PHEX: variants seen among roughly 807,000 people sequenced by gnomAD.
The protein encoded by PHEX is phosphate-regulating neutral endopeptidase PHEX.
Under a neutral mutation model 68.0 loss-of-function variants are expected in PHEX, and 16 were observed. The observed-to-expected ratio is 0.24, with a 90% CI of 0.16 to 0.36. PHEX has a LOEUF of 0.36. PHEX is among the 10% of genes least tolerant of loss of function. PHEX has a pLI of 1.00. For synonymous variants in PHEX, 208 were observed against 205.1 expected, an observed-to-expected ratio of 1.01 and a Z score of -0.12; for missense variants, 480 against 575.5, an observed-to-expected ratio of 0.83 and a Z score of 1.70.
intron 11 of PHEX, among the ~76,000 whole-genome samples, chrX:22,133,300 C>T (rs1369365384): frequency 8.9e-6 from 1 of 112,211 alleles, no homozygotes; most frequent in Non-Finnish European, 1.9e-5. Context: ...GGATTACAGG[C>T]ATGAGCCACC....
At chrX:22,167,410 A>T (rs1933360599) in intron 12 of PHEX, among the ~76,000 whole-genome samples, 1 of 111,108 alleles carries the variant, frequency 9.0e-6, no homozygotes, top group Admixed American at 9.6e-5. Flanking sequence ...GTGGATCATT[A>T]AAAAAATCTG....
intron 3 of PHEX, among the ~76,000 whole-genome samples, chrX:22,048,159 A>G (rs867514596): frequency 1.8e-5 from 2 of 111,611 alleles, no homozygotes; most frequent in Admixed American, 1.9e-4. Flanking sequence ...TTAGATACCT[A>G]TTGTCAATTG....
intron 3 of PHEX, among the ~76,000 whole-genome samples, chrX:22,060,768 C>A (rs940281287): frequency 2.7e-5 from 3 of 111,628 alleles, no homozygotes; most frequent in African/African-American, 9.8e-5. Context: ...CTCAGCATGA[C>A]TAATAACACA....
At chrX:22,204,610 AGTAG>A (rs1934654940) in intron 15 of PHEX, among the ~76,000 whole-genome samples, 1 of 111,952 alleles carries the variant, frequency 8.9e-6, no homozygotes, top group African/African-American at 3.2e-5. Context: ...AGTAAATGTT[AGTAG>A]TCAGTGGTTA....
intron 20 of PHEX, among the ~76,000 whole-genome samples, chrX:22,233,719 T>C (rs1268531941): frequency 1.8e-5 from 2 of 111,541 alleles, no homozygotes; most frequent in African/African-American, 6.5e-5. Flanking sequence ...TCTAACCTGT[T>C]TTCAAGGTTC....
At chrX:22,158,452 A>T (rs920862778) in intron 12 of PHEX, among the ~76,000 whole-genome samples, 3 of 111,951 alleles carry the variant, frequency 2.7e-5, no homozygotes, top group Non-Finnish European at 3.8e-5. Context: ...AATAAAAAAG[A>T]AAAAATATGC....
chrX:22,244,364 C>T (rs1027844573), intron 20 of PHEX, among the ~76,000 whole-genome samples: 4 of 110,428 alleles, frequency 3.6e-5, no homozygotes, highest in African/African-American at 1.3e-4. Context: ...AGTAAACCAT[C>T]ATGGCACATG....
intron 3 of PHEX, among the ~76,000 whole-genome samples, chrX:22,060,864 G>T (rs968802624): frequency 8.9e-6 from 1 of 111,744 alleles, no homozygotes. Context: ...TACAAGGTTG[G>T]TATGTTTAAG....
chrX:22,120,684 T>C (rs949981237), intron 11 of PHEX, among the ~76,000 whole-genome samples: 2 of 111,759 alleles, frequency 1.8e-5, no homozygotes, highest in African/African-American at 6.5e-5. Context: ...TATCTTTGGC[T>C]CAGTCTACAC....
intron 15 of PHEX, among the ~76,000 whole-genome samples, chrX:22,202,837 G>C (rs956893854): frequency 8.9e-6 from 1 of 111,761 alleles, no homozygotes; most frequent in Non-Finnish European, 1.9e-5. Context: ...TGTTTTCTTT[G>C]CCAGATGTTA....
At chrX:22,246,315 A>T (rs1215884939) in intron 21 of PHEX, among the ~76,000 whole-genome samples, 1 of 112,207 alleles carries the variant, frequency 8.9e-6, no homozygotes, top group Admixed American at 9.5e-5. Context: ...AGGGCATTAT[A>T]TCTGGATATC....
chrX:22,035,852 A>G lies in PHEX; in HGVS notation c.119-2617A>G, dbSNP rs187471920. 5.6e-3 allele frequency among the ~76,000 whole-genome samples: 605 copies of G among 108,504 alleles called. 5 individuals are homozygous for G. The highest frequency in any genetic ancestry group is 0.019 in the African/African-American group (581 of 29,899). 94.2% of individuals were successfully genotyped at this position (108,504 alleles called of 115,157 possible). A position where few individuals can be genotyped will look rare whatever the true frequency, so the allele number is the denominator to read the frequency against. On this transcript the variant is annotated intron_variant, in intron 1 of 21. Coordinates refer to ENST00000379374, the MANE Select transcript of PHEX (RefSeq NM_000444.6). ...TTTTTATATTAAAAATATTTTCTTTATTGTCTCTATTTCATTCACTTACAC... is the reference window on the plus strand; with the variant it reads ...TTTTTATATTAAAAATATTTTCTTTGTTGTCTCTATTTCATTCACTTACAC...
chrX:22,092,297 A>G (rs1049631485), intron 6 of PHEX, among the ~76,000 whole-genome samples: 8 of 111,589 alleles, frequency 7.2e-5, no homozygotes, highest in African/African-American at 2.3e-4. Context: ...TTTTTTCTGT[A>G]CCACCCTCTC....
intron 3 of PHEX, among the ~76,000 whole-genome samples, chrX:22,058,851 C>T (rs1308006732): frequency 8.9e-6 from 1 of 112,350 alleles, no homozygotes; most frequent in Middle Eastern, 4.2e-3. Flanking sequence ...GTCGCCGAGG[C>T]TGGAGTGCAG....
chrX:22,199,810 A>G (rs371301674), intron 15 of PHEX, among the ~76,000 whole-genome samples: 2 of 112,344 alleles, frequency 1.8e-5, no homozygotes, highest in South Asian at 3.7e-4. Context: ...TGAGGTTGCT[A>G]AGATCTACAG....
At chrX:22,208,043 C>A (rs1934767353) in intron 15 of PHEX, among the ~76,000 whole-genome samples, 1 of 102,582 alleles carries the variant, frequency 9.7e-6, no homozygotes, top group Non-Finnish European at 2.0e-5. Context: ...CCTAGCCCCC[C>A]ACCCCCCGAC....
Position 22,135,883 on chromosome X carries a change from A to G in PHEX, c.1404+2259A>G, listed in dbSNP as rs957723239. ...AGTTCCACGACAGGTACAAATATCA[A>G]AGGCAAATTGGATCTCACAAAGTTC... On this transcript the variant is annotated intron_variant, in intron 12 of 21. Transcript: ENST00000379374. Among the ~76,000 whole-genome samples, 15 of 111,445 alleles carry G rather than the reference A, an allele frequency of 1.3e-4. No homozygotes were observed. The East Asian group carries it at 2.2e-3, about 17-fold the overall frequency.
chrX:22,160,073 G>A (rs1323851972), intron 12 of PHEX, among the ~76,000 whole-genome samples: 1 of 111,978 alleles, frequency 8.9e-6, no homozygotes, highest in East Asian at 2.8e-4. Context: ...TTGATTTTAT[G>A]TTCAGTATGT....
At chrX:22,048,439 C>T (rs1432397898) in intron 3 of PHEX, among the ~76,000 whole-genome samples, 1 of 111,515 alleles carries the variant, frequency 9.0e-6, no homozygotes, top group Middle Eastern at 4.2e-3. Flanking sequence ...TATTTCCCTT[C>T]TCTGGCTTTT....
Sources: gnomAD v4.1 joint callset for allele counts (sites outside exome capture counted in the v4.1 genomes callset) on GRCh38, gnomAD v4.1.1 for gene constraint, MANE v1.5 for transcripts, NCBI Gene and HGNC (gene_info 2026-07-23, HGNC 2026-07-21) for gene names.